MUC5B: variants seen among roughly 807,000 people sequenced by gnomAD.
The protein encoded by MUC5B is mucin-5B.
A neutral mutation model predicts 376.9 loss-of-function variants in MUC5B; 116 were observed. The observed-to-expected ratio is 0.31, with a 90% CI of 0.26 to 0.36. MUC5B has a LOEUF of 0.36. Ranked by LOEUF, MUC5B falls within the 10% of genes least tolerant of loss-of-function variation. MUC5B has a pLI of 1.00. For missense variants in MUC5B, 7,165 were observed against 7,769.9 expected, an observed-to-expected ratio of 0.92 and a Z score of 2.93; for synonymous variants, 3,517 against 3,390.9, an observed-to-expected ratio of 1.04 and a Z score of -1.29.
Position 1,242,223 on chromosome 11 carries a change from G to A in MUC5B, c.5343G>A (p.Thr1781=), listed in dbSNP as rs762714624. 11 of 1,613,738 alleles carry A rather than the reference G, an allele frequency of 6.8e-6. No individual in the cohort carries two copies. The highest frequency in any genetic ancestry group is 1.7e-5 in the Admixed American group (1 of 60,020). ...PLTNTTTSQG[T]TRCQPKCEWT... is the part of the protein sequence containing the mutation. ...CTAACACCACCACCAGCCAGGGCAC[G>A]ACCCGCTGTCAACCGAAGTGTGAGT... The change falls in exon 31 of 49, where the codon ACG becomes ACA. Residue 1781 remains threonine (T), a synonymous_variant. Transcript: ENST00000529681.
Position 1,246,889 on chromosome 11 carries a change from A to G in MUC5B, c.10009A>G (p.Thr3337Ala), listed in dbSNP as rs1424615003. ...ALTPPVWIST[T>A]TTPTTRGSTV... The stretch of plus-strand genomic sequence containing the variant: ...CACGCCTCCAGTGTGGATCAGCACA[A>G]CCACCACACCCACAACCAGAGGCTC... The change falls in exon 31 of 49, where the codon ACC becomes GCC. Residue 3337 changes from threonine (T) to alanine (A), a missense_variant. Physicochemically the swap from Thr to Ala is moderately conservative, Grantham distance 58 (BLOSUM62 0). This residue lies in a region of MUC5B where 939 missense variants were observed against 770.6 expected (regional missense o/e 1.22). Transcript: ENST00000529681. 6.2e-7 allele frequency: 1 copy of G among 1,609,916 alleles called. No homozygotes were observed. The highest frequency in any genetic ancestry group is 1.3e-5 in the African/African-American group (1 of 74,456).
Position 1,251,376 on chromosome 11 carries a change from T to C in MUC5B, c.14496T>C (p.Thr4832=), listed in dbSNP as rs568224725. The part of the protein sequence containing the change: ...LTTTATTTAA[T]GSTATLSSTP... ...CAACAGCCACTACAACTGCAGCCACTGGATCCACGGCCACCCTGTCCTCCA... is the reference window on the plus strand; with the variant it reads ...CAACAGCCACTACAACTGCAGCCACCGGATCCACGGCCACCCTGTCCTCCA... The change falls in exon 31 of 49, where the codon ACT becomes ACC. Residue 4832 remains threonine, a synonymous_variant. Transcript: ENST00000529681. The C allele has an allele frequency of 2.3e-5, 37 of 1,602,286 alleles. No homozygotes were observed. Among genetic ancestry groups the C allele is most frequent in the Non-Finnish European group, 3.0e-5 (35 of 1,172,256 alleles).
At position 1,244,681 on chromosome 11, in the gene MUC5B, G is replaced by A. The variant is rs768158320; in HGVS notation, c.7801G>A (p.Gly2601Arg). 22 of 1,612,424 alleles carry A rather than the reference G, an allele frequency of 1.4e-5. No homozygotes were observed. Among genetic ancestry groups the A allele is most frequent in the Admixed American group, 3.3e-5 (2 of 59,954 alleles). Reference sequence around the variant, plus strand: ...TGTGGCCACCCCCTCCTCCACCCCAGGAACAGCTCACACTACCAAAGTGCT... The same window carrying A: ...TGTGGCCACCCCCTCCTCCACCCCAAGAACAGCTCACACTACCAAAGTGCT... ...GSVATPSSTP[G>R]TAHTTKVLTT... Residue 2601 changes from glycine to arginine, a missense_variant, in exon 31 of 49, where the codon GGA (glycine) becomes AGA (arginine). Coordinates refer to ENST00000529681, the MANE Select transcript of MUC5B (RefSeq NM_002458.3).
chr11:1,242,627 C>A lies in MUC5B; in HGVS notation c.5747C>A (p.Thr1916Lys). 2 of 1,613,830 alleles carry A rather than the reference C, an allele frequency of 1.2e-6. No homozygotes were observed. Among genetic ancestry groups the A allele is most frequent in the Non-Finnish European group, 1.7e-6 (2 of 1,179,818 alleles). The change falls in exon 31 of 49, where the codon ACG (threonine) becomes AAG (lysine). Residue 1916 changes from threonine (T) to lysine (K), a missense_variant. Thr to Lys is a moderately conservative substitution (Grantham distance 78). Transcript: ENST00000529681. ...ACAAAGCCGACCACAACAGCCACTA[C>A]GACTGCGTCCACTGGATCCACGGCC... Reference protein sequence around the residue: ...ILTKPTTTATTTASTGSTATP... With the variant: ...ILTKPTTTATKTASTGSTATP...
Position 1,246,289 on chromosome 11 carries a change from G to C in MUC5B, c.9409G>C (p.Glu3137Gln), listed in dbSNP as rs1862463805. 6.2e-7 allele frequency: 1 copy of C among 1,610,632 alleles called. No homozygotes were observed. The highest frequency in any genetic ancestry group is 1.3e-5 in the African/African-American group (1 of 74,482). ...STPGTTWILT[E>Q]LTTAATTTAA... is the part of the protein sequence containing the mutation. ...TCCGGGGACGACCTGGATCCTCACAGAGCTGACCACAGCAGCCACTACAAC... is the reference window on the plus strand; with the variant it reads ...TCCGGGGACGACCTGGATCCTCACACAGCTGACCACAGCAGCCACTACAAC... Residue 3137 changes from glutamate (E) to glutamine (Q), a missense_variant, in exon 31 of 49, where the codon GAG becomes CAG. Glu to Gln is a conservative substitution (Grantham distance 29, BLOSUM62 2). Transcript: ENST00000529681.
rs747031459 is a variant in MUC5B at position 1,255,465 on chromosome 11, G to A, written c.15973G>A (p.Glu5325Lys). ...CAGCGACCACTGCAGGGGCCGCCTTGAGGTGCCCTGCCAGAGCCTGGAGGC... is the reference window on the plus strand; with the variant it reads ...CAGCGACCACTGCAGGGGCCGCCTTAAGGTGCCCTGCCAGAGCCTGGAGGC... ...CISDHCRGRL[E>K]VPCQSLEAYA... is the part of the protein sequence containing the mutation. Residue 5325 changes from glutamate (E) to lysine (K), a missense_variant, in exon 37 of 49, where the codon GAG (glutamate) becomes AAG (lysine). Glu to Lys is a moderately conservative substitution (Grantham distance 56). Coordinates refer to ENST00000529681, the MANE Select transcript of MUC5B (RefSeq NM_002458.3). The A allele has an allele frequency of 6.3e-7, 1 of 1,593,602 alleles. No individual in the cohort carries two copies. The highest frequency in any genetic ancestry group is 8.5e-7 in the Non-Finnish European group (1 of 1,171,010).
At position 1,261,750 on chromosome 11, in the gene MUC5B, C is replaced by T. The variant is rs541603428; in HGVS notation, c.*142C>T. 105 of 878,490 alleles carry T rather than the reference C, an allele frequency of 1.2e-4. No homozygotes were observed. Among genetic ancestry groups the T allele is most frequent in the South Asian group, 9.7e-4 (68 of 70,106 alleles). 54.4% of individuals were successfully genotyped at this position (878,490 alleles called of 1,614,324 possible). A position where few individuals can be genotyped will look rare whatever the true frequency, so the allele number is the denominator to read the frequency against. On this transcript the variant is annotated 3_prime_UTR_variant, in exon 49 of 49. Coordinates refer to ENST00000529681, the MANE Select transcript of MUC5B (RefSeq NM_002458.3). Reference sequence around the variant, plus strand: ...CGCTCCGTGCTCCTGCTGCCCACCCCGTGGGTGAAACCGGCCCCAGAAGGG... The same window carrying T: ...CGCTCCGTGCTCCTGCTGCCCACCCTGTGGGTGAAACCGGCCCCAGAAGGG...
Position 1,255,482 on chromosome 11 carries a change from C to T in MUC5B, c.15990C>T (p.Ser5330=), listed in dbSNP as rs1461657023. Residue 5330 remains serine, a synonymous_variant, in exon 37 of 49, where the codon AGC becomes AGT. Coordinates refer to ENST00000529681, the MANE Select transcript of MUC5B (RefSeq NM_002458.3). ...GCCGCCTTGAGGTGCCCTGCCAGAG[C>T]CTGGAGGCTTACGCAGAGCTCTGCC... is the stretch of plus-strand genomic sequence containing the variant. ...CRGRLEVPCQ[S]LEAYAELCRA... is the part of the protein sequence containing the mutation. 1 of 1,584,426 alleles carries T rather than the reference C, an allele frequency of 6.3e-7. No homozygotes were observed. Among genetic ancestry groups the T allele is most frequent in the Non-Finnish European group, 8.6e-7 (1 of 1,166,346 alleles).
Position 1,254,861 on chromosome 11 carries a change from C to G in MUC5B, c.15645C>G (p.Asn5215Lys). ...GGCTGCCCTACAGCCTCTTCCACAA[C>G]AACACCGAGGGCCAGTGCGGTGAGT... ...QARLPYSLFH[N>K]NTEGQCGTCT... The change falls in exon 35 of 49, where the codon AAC becomes AAG. Residue 5215 changes from asparagine (N) to lysine (K), a missense_variant. Asn to Lys is a moderately conservative substitution (Grantham distance 94, BLOSUM62 0). Coordinates refer to ENST00000529681, the MANE Select transcript of MUC5B (RefSeq NM_002458.3). 1 of 1,611,796 alleles carries G rather than the reference C, an allele frequency of 6.2e-7. No homozygotes were observed. The highest frequency in any genetic ancestry group is 1.7e-5 in the Admixed American group (1 of 59,996).
chr11:1,232,843 C>A lies in MUC5B; in HGVS notation c.2065+73C>A, dbSNP rs879153148. The A allele has an allele frequency of 6.3e-5, 95 of 1,500,344 alleles. 1 individual carries two copies. In the South Asian group the frequency reaches 1.2e-3, roughly 19 times the overall value. 92.9% of individuals were successfully genotyped at this position (1,500,344 alleles called of 1,614,324 possible). A position where few individuals can be genotyped will look rare whatever the true frequency, so the allele number is the denominator to read the frequency against. On this transcript the variant is annotated intron_variant, in intron 17 of 48. Coordinates refer to ENST00000529681, the MANE Select transcript of MUC5B (RefSeq NM_002458.3). ...GCGGGGGACCCTGGCCGGCAGCAGC[C>A]GTCACTCACACGGTTCTCAGCCCAG... is the stretch of plus-strand genomic sequence containing the variant.
Position 1,244,074 on chromosome 11 carries a change from G to C in MUC5B, c.7194G>C (p.Met2398Ile). Residue 2398 changes from methionine (M) to isoleucine (I), a missense_variant, in exon 31 of 49, where the codon ATG (methionine) becomes ATC (isoleucine). This residue lies in a region of MUC5B where 194 missense variants were observed against 268.5 expected (regional missense o/e 0.72). Coordinates refer to ENST00000529681, the MANE Select transcript of MUC5B (RefSeq NM_002458.3). ...GTGAGCAGGTGGGGAAGTTCAAGAT[G>C]TGCTTCAACTATGAAATCCGTGTGT... ...RNREQVGKFK[M>I]CFNYEIRVFC... is the part of the protein sequence containing the mutation. The C allele has an allele frequency of 4.0e-6, 6 of 1,486,892 alleles. No individual in the cohort carries two copies. Among genetic ancestry groups the C allele is most frequent in the Non-Finnish European group, 5.6e-6 (6 of 1,067,972 alleles). 92.1% of individuals were successfully genotyped at this position (1,486,892 alleles called of 1,614,324 possible).
intron 2 of MUC5B, 88 bp from the exon 3 acceptor site, chr11:1,226,117 T>G: frequency 1.5e-6 from 2 of 1,346,246 alleles, no homozygotes; most frequent in Non-Finnish European, 2.0e-6. Flanking sequence ...TCAACTCTGG[T>G]GGCTGGCGAG....
intron 23 of MUC5B, 200 bp downstream of exon 23, chr11:1,235,613 C>T (rs1369382965): frequency 1.7e-6 from 1 of 597,926 alleles, no homozygotes; most frequent in Non-Finnish European, 3.0e-6. Context: ...GTCAGAGATC[C>T]AGGCGGGCAG....
rs55669609 is a variant in MUC5B at position 1,241,295 on chromosome 11, C to T, written c.4415C>T (p.Pro1472Leu). 76,771 of 1,600,604 alleles carry T rather than the reference C, an allele frequency of 0.048. 2,046 individuals are homozygous for T. Among genetic ancestry groups the T allele is most frequent in the Non-Finnish European group, 0.055 (64,773 of 1,173,650 alleles). Residue 1472 changes from proline to leucine, a missense_variant, in exon 31 of 49, where the codon CCG becomes CTG. Around this residue, in one of 31 missense-constraint regions of MUC5B, gnomAD observed 517 missense variants for 545.3 expected, o/e 0.95. Coordinates refer to ENST00000529681, the MANE Select transcript of MUC5B (RefSeq NM_002458.3). ...GAAAAGACCACCCTATGGGTGACCC[C>T]GAGCATCCGGTCGACGGCGGCCCTC... ...ATEKTTLWVT[P>L]SIRSTAALTS... is the part of the protein sequence containing the mutation.
chr11:1,260,611 C>T lies in MUC5B; in HGVS notation c.16967-15C>T, dbSNP rs1564955129. ...GGGTCCAGTGGGGCTCCACATCTGC[C>T]TTTCCTCCTCCCAGACTCCTGTCAA... On this transcript the variant is annotated splice_polypyrimidine_tract_variant and intron_variant, in intron 47 of 48. Coordinates refer to ENST00000529681, the MANE Select transcript of MUC5B (RefSeq NM_002458.3). The T allele has an allele frequency of 5.0e-6, 8 of 1,607,948 alleles. No homozygotes were observed. The South Asian group carries it at 8.8e-5, about 18-fold the overall frequency.
intron 7 of MUC5B, 67 bp from the exon 8 acceptor site, chr11:1,228,497 T>C: frequency 7.1e-7 from 1 of 1,412,214 alleles, no homozygotes; most frequent in Non-Finnish European, 9.4e-7. Context: ...CCATGGGTCC[T>C]ATTCCAGCAC....
chr11:1,240,153 G>A (rs568505477), intron 29 of MUC5B, 25 bp from the exon 30 acceptor site: 2 of 1,581,146 alleles, frequency 1.3e-6, no homozygotes, highest in South Asian at 2.3e-5. Flanking sequence ...GAGGCCCTGG[G>A]TGACTCTGCC....
Position 1,249,114 on chromosome 11 carries a change from A to G in MUC5B, c.12234A>G (p.Ser4078=), listed in dbSNP as rs780278587. 1.9e-6 allele frequency: 3 copies of G among 1,606,850 alleles called. No homozygotes were observed. Among genetic ancestry groups the G allele is most frequent in the Non-Finnish European group, 2.5e-6 (3 of 1,178,572 alleles). Residue 4078 remains serine, a synonymous_variant, in exon 31 of 49, where the codon TCA becomes TCG. Coordinates refer to ENST00000529681, the MANE Select transcript of MUC5B (RefSeq NM_002458.3). ...ACCCTAGCAGCAGGACCACCGAGTCACCCCCTTCCCCAGGGACGACCACCC... is the reference window on the plus strand; with the variant it reads ...ACCCTAGCAGCAGGACCACCGAGTCGCCCCCTTCCCCAGGGACGACCACCC... ...SPHPSSRTTE[S]PPSPGTTTPG...
In MUC5B at chr11:1,251,756, G is replaced by A. The variant is rs1466699719; in HGVS notation, c.14863+13G>A. Reference sequence around the variant, plus strand: ...TTTTTCTCGCCCGGTGAGTGCATGTGGATAACACTGCTGTACCCTTTCCCC... The same window carrying A: ...TTTTTCTCGCCCGGTGAGTGCATGTAGATAACACTGCTGTACCCTTTCCCC... On this transcript the variant is annotated intron_variant, in intron 31 of 48. Coordinates refer to ENST00000529681, the MANE Select transcript of MUC5B (RefSeq NM_002458.3). 3.9e-6 allele frequency: 6 copies of A among 1,531,924 alleles called. No individual in the cohort carries two copies. Among genetic ancestry groups the A allele is most frequent in the Admixed American group, 1.7e-5 (1 of 58,324 alleles). The allele number at this position is 1,531,924 out of a possible 1,614,324, so 94.9% of individuals were successfully genotyped here. A position where few individuals can be genotyped will look rare whatever the true frequency, so the allele number is the denominator to read the frequency against.
Sources: allele counts gnomAD v4.1 joint callset, GRCh38; gene constraint gnomAD v4.1.1; regional missense constraint gnomAD v4.1.1; transcripts MANE v1.5; gene names NCBI Gene and HGNC (gene_info 2026-07-23, HGNC 2026-07-21).